HACE1: variants seen among roughly 807,000 people sequenced by gnomAD.
HACE1 encodes HECT domain and ankyrin repeat containing E3 ubiquitin protein ligase 1, also known as E3 ubiquitin-protein ligase HACE1.
HACE1 carries 73 observed loss-of-function variants against 118.4 expected under a neutral mutation model. The ratio of observed to expected loss-of-function variants is 0.62; its 90% CI spans 0.51 to 0.75. The LOEUF (loss-of-function observed/expected upper bound fraction) is 0.75, where lower values mean the gene tolerates loss of function less well. HACE1 is among the 30% of genes least tolerant of loss of function. The pLI is 0.00. For synonymous variants in HACE1, 368 were observed against 374.8 expected (o/e 0.98, Z 0.21); for missense variants, 749 against 1,102.2 (o/e 0.68, Z 4.54).
intron 7 of HACE1, among the ~76,000 whole-genome samples, chr6:104,801,311 G>C (rs1336384269): frequency 6.6e-6 from 1 of 152,138 alleles, no homozygotes; most frequent in Non-Finnish European, 1.5e-5. Context: ...TTATCCAGGA[G>C]GACTTCCCCA....
chr6:104,784,181 A>G lies in HACE1; in HGVS notation c.1479-8T>C, dbSNP rs912233959. ...AATATAATTTTGGGATTTCTAAAAG[A>G]AAAATATTTTGTTTAAATGGACAGG... On this transcript the variant is annotated splice_polypyrimidine_tract_variant and splice_region_variant and intron_variant, in intron 13 of 23. Transcript: ENST00000262903. 3 of 1,492,030 alleles carry G rather than the reference A, an allele frequency of 2.0e-6. No homozygotes were observed. Among genetic ancestry groups the G allele is most frequent in the Non-Finnish European group, 2.8e-6 (3 of 1,068,738 alleles). The allele number at this position is 1,492,030 out of a possible 1,614,324, so 92.4% of individuals were successfully genotyped here.
chr6:104,820,376 A>G (rs560665125), intron 6 of HACE1, among the ~76,000 whole-genome samples: 1 of 152,244 alleles, frequency 6.6e-6, no homozygotes, highest in East Asian at 1.9e-4. Context: ...CTGCATAGCG[A>G]AAAAAACTAT....
chr6:104,831,974 A>AGAAGAGAAGAGAAGAGAAGG (rs1773981860), intron 6 of HACE1, among the ~76,000 whole-genome samples: 2 of 54,180 alleles, frequency 3.7e-5, no homozygotes, highest in Non-Finnish European at 7.0e-5. Context: ...AGAAGAGAAG[A>AGAAGAGAAGAGAAGAGAAGG]GAAGAGAGGA....
chr6:104,744,313 A>G (rs1441552807), intron 21 of HACE1, 83 bp from the exon 22 acceptor site: 2 of 935,760 alleles, frequency 2.1e-6, no homozygotes, highest in East Asian at 4.8e-5. Flanking sequence ...CAATATTCAT[A>G]AAGCACATTT....
chr6:104,816,760 C>T (rs1257813294), intron 6 of HACE1, among the ~76,000 whole-genome samples: 1 of 152,150 alleles, frequency 6.6e-6, no homozygotes, highest in African/African-American at 2.4e-5. Context: ...CTGAAAAAGC[C>T]ACACGTACTC....
At chr6:104,858,735 G>C (rs1404527161) in intron 1 of HACE1, among the ~76,000 whole-genome samples, 3 of 152,108 alleles carry the variant, frequency 2.0e-5, no homozygotes, top group African/African-American at 4.8e-5. Flanking sequence ...TCTCTCACTT[G>C]GGCATAAAGA....
chr6:104,786,018 C>T (rs1274577342), intron 11 of HACE1: 2 of 151,974 alleles, frequency 1.3e-5, no homozygotes, highest in African/African-American at 4.8e-5. Flanking sequence ...ACAAGAGATA[C>T]AATTACCAAA....
intron 6 of HACE1, among the ~76,000 whole-genome samples, chr6:104,822,628 AGTCGGATCACTAGAG>A (rs1398787540): frequency 1.3e-5 from 2 of 152,060 alleles, no homozygotes; most frequent in Admixed American, 6.6e-5. Context: ...AGGCCGAGGC[AGTCGGATCACTAGAG>A]GTCGGGAGTT....
At chr6:104,759,518 C>T (rs1456476008) in intron 19 of HACE1, among the ~76,000 whole-genome samples, 13 of 152,090 alleles carry the variant, frequency 8.5e-5, no homozygotes, top group Non-Finnish European at 1.5e-5. Context: ...AAAGACACAA[C>T]GTACCAGAAT....
chr6:104,779,480 T>C (rs948690091), intron 14 of HACE1, among the ~76,000 whole-genome samples: 2 of 152,232 alleles, frequency 1.3e-5, no homozygotes, highest in Non-Finnish European at 2.9e-5. Context: ...ATGTGTAATT[T>C]TGTCCATACT....
chr6:104,751,102 A>C (rs1399149072), intron 19 of HACE1, among the ~76,000 whole-genome samples: 1 of 151,964 alleles, frequency 6.6e-6, no homozygotes, highest in Non-Finnish European at 1.5e-5. Context: ...CATTCACTCA[A>C]TTCTAGTTTC....
chr6:104,793,042 G>T (rs944904735), intron 10 of HACE1, among the ~76,000 whole-genome samples: 4 of 152,018 alleles, frequency 2.6e-5, no homozygotes, highest in African/African-American at 9.7e-5. Context: ...GCCGAGGCAG[G>T]CAGATCACGA....
Position 104,849,063 on chromosome 6 carries a change from A to C in HACE1, c.326+79T>G. The C allele has an allele frequency of 3.7e-6, 3 of 809,830 alleles. No individual in the cohort carries two copies. In the Middle Eastern group the frequency reaches 6.7e-4, roughly 180 times the overall value. 50.2% of individuals were successfully genotyped at this position (809,830 alleles called of 1,614,324 possible). A position where few individuals can be genotyped will look rare whatever the true frequency, so the allele number is the denominator to read the frequency against. ...CCAAGGTAAATATCAGGGATGCGGG[A>C]GGAATCATCAAACGAAGGCAAAGTG... is the stretch of plus-strand genomic sequence containing the variant. On this transcript the variant is annotated intron_variant, in intron 4 of 23. Coordinates refer to ENST00000262903, the MANE Select transcript of HACE1 (RefSeq NM_020771.4).
intron 20 of HACE1, among the ~76,000 whole-genome samples, chr6:104,746,697 T>G (rs1427364371): frequency 6.6e-6 from 1 of 152,208 alleles, no homozygotes; most frequent in South Asian, 2.1e-4. Context: ...TGTTTATTCT[T>G]AACACTGCCC....
At chr6:104,848,343 CTACTCA>C (rs1444286225) in intron 4 of HACE1, among the ~76,000 whole-genome samples, 5 of 151,022 alleles carry the variant, frequency 3.3e-5, no homozygotes, top group Non-Finnish European at 7.4e-5. Context: ...GTAATCCCAG[CTACTCA>C]GGAGGCTGAG....
At chr6:104,792,759 A>G (rs574801554) in intron 10 of HACE1, among the ~76,000 whole-genome samples, 5 of 152,176 alleles carry the variant, frequency 3.3e-5, no homozygotes, top group Non-Finnish European at 7.4e-5. Context: ...GAGGGCAGTC[A>G]CGACCCAGGC....
chr6:104,758,786 C>T (rs889627552), intron 19 of HACE1, among the ~76,000 whole-genome samples: 4 of 151,944 alleles, frequency 2.6e-5, no homozygotes, highest in Non-Finnish European at 1.5e-5. Flanking sequence ...CATCAGTGTG[C>T]TGTATTCAGG....
chr6:104,738,458 C>G (rs1247925382), intron 22 of HACE1, among the ~76,000 whole-genome samples: 1 of 124,128 alleles, frequency 8.1e-6, no homozygotes, highest in Non-Finnish European at 1.7e-5. Context: ...ATAACCAATA[C>G]AGAGAAGTGC....
At chr6:104,806,375 T>C (rs946497668) in intron 7 of HACE1, among the ~76,000 whole-genome samples, 2 of 152,146 alleles carry the variant, frequency 1.3e-5, no homozygotes, top group Admixed American at 6.5e-5. Context: ...GATGAGAGAA[T>C]TGCTTGACCC....
Sources: allele counts gnomAD v4.1 joint callset (sites outside exome capture counted in the v4.1 genomes callset), GRCh38; gene constraint gnomAD v4.1.1; transcripts MANE v1.5; gene names NCBI Gene and HGNC (gene_info 2026-07-23, HGNC 2026-07-21).